The following PDE11A variants were observed in gnomAD, a reference collection of about 807,000 sequenced individuals.
PDE11A encodes phosphodiesterase 11A.
Under a neutral mutation model 100.5 loss-of-function variants are expected in PDE11A, and 100 were observed. The ratio of observed to expected loss-of-function variants is 1.00; its 90% CI spans 0.85 to 1.18. The LOEUF (loss-of-function observed/expected upper bound fraction) is 1.18, where lower values mean the gene tolerates loss of function less well. PDE11A is among the 50% of genes most tolerant of loss of function. The pLI, the probability that PDE11A is intolerant of heterozygous loss-of-function variation, is 0.00. For synonymous variants in PDE11A, 381 were observed against 420.8 expected, an observed-to-expected ratio of 0.91 and a Z score of 1.16; for missense variants, 1,141 against 1,152.6, an observed-to-expected ratio of 0.99 and a Z score of 0.15.
chr2:177,687,210 A>G (rs897710855), intron 15 of PDE11A: 4 of 152,188 alleles, frequency 2.6e-5, no homozygotes, highest in African/African-American at 9.7e-5. Context: ...TAGAGTTTCC[A>G]TCTACCTCCC....
chr2:177,781,238 C>A (rs377072577), intron 9 of PDE11A, among the ~76,000 whole-genome samples: 1 of 152,162 alleles, frequency 6.6e-6, no homozygotes. Context: ...GCAGTCAGAA[C>A]ACAAAACATT....
chr2:177,720,592 A>G (rs1392819714), intron 12 of PDE11A, among the ~76,000 whole-genome samples: 2 of 152,208 alleles, frequency 1.3e-5, no homozygotes, highest in Non-Finnish European at 2.9e-5. Flanking sequence ...GAACCTTTCC[A>G]GCTGATAGGG....
In PDE11A at chr2:177,680,936, A is replaced by G. The variant is rs146153854; in HGVS notation, c.2346-33T>C. 469 of 1,226,192 alleles carry G rather than the reference A, an allele frequency of 3.8e-4. 3 individuals carry two copies. The African/African-American group carries it at 4.7e-3, about 12-fold the overall frequency. 76.0% of individuals were successfully genotyped at this position (1,226,192 alleles called of 1,614,324 possible). A position where few individuals can be genotyped will look rare whatever the true frequency, so the allele number is the denominator to read the frequency against. ...AAAATCAAATGAAGAAAGAAAGAAA[A>G]AAAAAACTGGAATGAGATTTCCCAG... On this transcript the variant is annotated intron_variant, in intron 15 of 19. Transcript: ENST00000286063.
chr2:177,831,475 C>T (rs1268806501), intron 6 of PDE11A, among the ~76,000 whole-genome samples: 1 of 152,168 alleles, frequency 6.6e-6, no homozygotes, highest in African/African-American at 2.4e-5. Flanking sequence ...TAAAGCAAAG[C>T]TTGATAGAGT....
At chr2:177,870,717 T>C (rs994552276) in intron 5 of PDE11A, among the ~76,000 whole-genome samples, 3 of 152,228 alleles carry the variant, frequency 2.0e-5, no homozygotes, top group Non-Finnish European at 2.9e-5. Flanking sequence ...CTTACTGTGT[T>C]ACCCTGGACA....
intron 2 of PDE11A, among the ~76,000 whole-genome samples, chr2:178,004,723 G>A (rs141710437): frequency 6.6e-6 from 1 of 152,204 alleles, no homozygotes; most frequent in African/African-American, 2.4e-5. Context: ...CAAGAGCTAT[G>A]GATGTATCAG....
chr2:177,757,004 G>A (rs993317587), intron 10 of PDE11A, among the ~76,000 whole-genome samples: 4 of 152,102 alleles, frequency 2.6e-5, no homozygotes, highest in African/African-American at 4.8e-5. Context: ...CAAACAAAAC[G>A]CATTCCATGA....
chr2:178,071,366 C>T (rs1029571603), intron 1 of PDE11A, among the ~76,000 whole-genome samples, 160 bp downstream of exon 1: 1 of 152,116 alleles, frequency 6.6e-6, no homozygotes, highest in Non-Finnish European at 1.5e-5. Context: ...TCAAAGATGC[C>T]GTAGTAACAT....
intron 4 of PDE11A, chr2:177,888,563 A>T (rs763225918): frequency 4.9e-6 from 1 of 202,658 alleles, no homozygotes; most frequent in Non-Finnish European, 8.8e-6. Context: ...AGCAAAAATC[A>T]AAAAAGGAGG....
At chr2:177,801,949 A>T (rs1241373184) in intron 9 of PDE11A, among the ~76,000 whole-genome samples, 1 of 152,094 alleles carries the variant, frequency 6.6e-6, no homozygotes, top group African/African-American at 2.4e-5. Flanking sequence ...GGGTGAAAAT[A>T]TTGACAATAC....
rs547296291 is a variant in PDE11A at position 177,848,417 on chromosome 2, T to C, written c.1368-8034A>G. On this transcript the variant is annotated intron_variant, in intron 5 of 19. Transcript: ENST00000286063. ...TAACTCTCTACAAAGTAGACCTCCC[T>C]AAGCTCGATTCACTTCAGCATAACA... Among the ~76,000 whole-genome samples the C allele has an allele frequency of 3.6e-3, 554 of 152,334 alleles. 3 individuals are homozygous for C. Among genetic ancestry groups the C allele is most frequent in the Non-Finnish European group, 6.5e-3 (443 of 68,026 alleles).
rs143876541 is a variant in PDE11A at position 177,683,837 on chromosome 2, G to C, written c.2346-2934C>G. 2.6e-5 allele frequency among the ~76,000 whole-genome samples: 4 copies of C among 152,186 alleles called. No homozygotes were observed. The South Asian group carries it at 6.2e-4, about 24-fold the overall frequency. On this transcript the variant is annotated intron_variant, in intron 15 of 19. Coordinates refer to ENST00000286063, the MANE Select transcript of PDE11A (RefSeq NM_016953.4). The stretch of plus-strand genomic sequence containing the variant: ...AAGAGCCCAGGTTTGGACCCACACC[G>C]ACCTGGCTTAATGCTGACTGTCACT...
chr2:178,057,241 G>A (rs1310323626), intron 1 of PDE11A, among the ~76,000 whole-genome samples: 2 of 152,178 alleles, frequency 1.3e-5, no homozygotes, highest in Admixed American at 1.3e-4. Context: ...AGTTTCTAGG[G>A]TAATGGTAGA....
intron 1 of PDE11A, among the ~76,000 whole-genome samples, chr2:178,048,371 C>T (rs1172928704): frequency 6.6e-6 from 1 of 152,092 alleles, no homozygotes; most frequent in Non-Finnish European, 1.5e-5. Context: ...AGAGTTCTCT[C>T]AATGTTCCGT....
chr2:178,035,208 C>T (rs937920470), intron 1 of PDE11A, among the ~76,000 whole-genome samples: 2 of 151,912 alleles, frequency 1.3e-5, no homozygotes. Flanking sequence ...ACCACTGATC[C>T]CACAGAAATA....
chr2:177,689,658 C>T lies in PDE11A; in HGVS notation c.2345+7674G>A, dbSNP rs558807245. Reference sequence around the variant, plus strand: ...GTGTTCTATTTAATTTTGAAGTGAACTTTCTCCCTGCTTCAGACTAGCACT... The same window carrying T: ...GTGTTCTATTTAATTTTGAAGTGAATTTTCTCCCTGCTTCAGACTAGCACT... On this transcript the variant is annotated intron_variant, in intron 15 of 19. Transcript: ENST00000286063. 7.4e-4 allele frequency among the ~76,000 whole-genome samples: 113 copies of T among 152,316 alleles called. 1 individual carries two copies. Among genetic ancestry groups the T allele is most frequent in the African/African-American group, 2.6e-3 (109 of 41,562 alleles).
intron 10 of PDE11A, among the ~76,000 whole-genome samples, chr2:177,732,765 CT>C (rs1331922663): frequency 1.3e-5 from 2 of 152,204 alleles, no homozygotes; most frequent in South Asian, 2.1e-4. Context: ...TTTTTTTCCC[CT>C]AATAGGTTGA....
At chr2:177,939,373 A>AAGGG (rs201889323) in intron 2 of PDE11A, among the ~76,000 whole-genome samples, 3 of 139,014 alleles carry the variant, frequency 2.2e-5, no homozygotes, top group Non-Finnish European at 4.7e-5. Flanking sequence ...GAGAGTGAGG[A>AAGGG]AGGGAGGAAG....
chr2:177,863,210 C>T (rs1390773814), intron 5 of PDE11A, among the ~76,000 whole-genome samples: 14 of 151,814 alleles, frequency 9.2e-5, no homozygotes, highest in Non-Finnish European at 1.9e-4. Flanking sequence ...AAATATAAGA[C>T]CAAAAACTAT....
Sources: gnomAD v4.1 joint callset for allele counts (sites outside exome capture counted in the v4.1 genomes callset) on GRCh38, gnomAD v4.1.1 for gene constraint, MANE v1.5 for transcripts, NCBI Gene and HGNC (gene_info 2026-07-23, HGNC 2026-07-21) for gene names.